RNF24: variants seen among roughly 807,000 people sequenced by gnomAD.
RNF24 encodes ring finger protein 24.
A neutral mutation model predicts 20.0 loss-of-function variants in RNF24; 14 were observed. The ratio of observed to expected loss-of-function variants is 0.70; its 90% CI spans 0.46 to 1.10. The LOEUF (loss-of-function observed/expected upper bound fraction) is 1.10. Among genes scored for constraint, RNF24 ranks in the 50% least tolerant of loss-of-function variants. RNF24 has a pLI of 0.00. For missense variants in RNF24, 124 were observed against 177.6 expected, an observed-to-expected ratio of 0.70 and a Z score of 1.71; for synonymous variants, 45 against 61.1, an observed-to-expected ratio of 0.74 and a Z score of 1.23.
chr20:3,959,605 A>G (rs1356657252), intron 2 of RNF24, among the ~76,000 whole-genome samples: 1 of 152,166 alleles, frequency 6.6e-6, no homozygotes, highest in Non-Finnish European at 1.5e-5. Flanking sequence ...TTTTGTTTAT[A>G]ATTTTATCCA....
At position 3,945,113 on chromosome 20, in the gene RNF24, C is replaced by T; in HGVS notation, c.228+64G>A. On this transcript the variant is annotated intron_variant, in intron 4 of 5. Transcript: ENST00000358395. ...ACTACTGAGAATAAAAGTGTTTAAA[C>T]ATACCACAGCATACCACTGCTACTA... 1.9e-6 allele frequency: 3 copies of T among 1,569,232 alleles called. No homozygotes were observed. The South Asian group carries it at 3.5e-5, about 18-fold the overall frequency.
intron 3 of RNF24, among the ~76,000 whole-genome samples, chr20:3,945,715 CAAA>C (rs11481275): frequency 8.7e-6 from 1 of 115,454 alleles, no homozygotes. Flanking sequence ...AACTCCGTCT[CAAA>C]AAAAAAAAAA....
chr20:3,935,661 G>A (rs2090881782), intron 4 of RNF24, among the ~76,000 whole-genome samples: 1 of 152,236 alleles, frequency 6.6e-6, no homozygotes, highest in African/African-American at 2.4e-5. Context: ...GATGGGACCA[G>A]GACTGCTCTC....
At chr20:3,949,487 A>C (rs1402153649) in intron 2 of RNF24, among the ~76,000 whole-genome samples, 5 of 152,096 alleles carry the variant, frequency 3.3e-5, no homozygotes, top group African/African-American at 4.8e-5. Context: ...GGAGTTCGAG[A>C]CCAGCCTGGG....
chr20:3,973,236 A>T (rs1295314770), intron 1 of RNF24, among the ~76,000 whole-genome samples: 1 of 151,988 alleles, frequency 6.6e-6, no homozygotes, highest in Non-Finnish European at 1.5e-5. Context: ...AAAATACAAC[A>T]TATCAAAATT....
chr20:3,955,495 C>A (rs1169917492), intron 2 of RNF24, among the ~76,000 whole-genome samples: 1 of 152,124 alleles, frequency 6.6e-6, no homozygotes, highest in African/African-American at 2.4e-5. Context: ...GTTTATATGT[C>A]TATCTTTATA....
At chr20:3,938,764 A>G (rs1448305593) in intron 4 of RNF24, among the ~76,000 whole-genome samples, 2 of 152,144 alleles carry the variant, frequency 1.3e-5, no homozygotes, top group East Asian at 3.9e-4. Flanking sequence ...TTTTTGAGAC[A>G]GTCTTGCTCT....
intron 1 of RNF24, among the ~76,000 whole-genome samples, chr20:3,990,554 C>A (rs1006771729): frequency 6.6e-6 from 1 of 152,068 alleles, no homozygotes; most frequent in African/African-American, 2.4e-5. Context: ...TAATGTTTTA[C>A]AGTTGTTAAA....
At chr20:3,978,533 A>G (rs1329047716) in intron 1 of RNF24, among the ~76,000 whole-genome samples, 1 of 152,168 alleles carries the variant, frequency 6.6e-6, no homozygotes, top group Non-Finnish European at 1.5e-5. Flanking sequence ...CTTTAATCAA[A>G]AAAGACTCTA....
At chr20:4,012,693 A>G (rs1304283683) in intron 1 of RNF24, among the ~76,000 whole-genome samples, 1 of 152,244 alleles carries the variant, frequency 6.6e-6, no homozygotes, top group Admixed American at 6.5e-5. Flanking sequence ...ATCATACTAC[A>G]GAATGCTAAA....
intron 2 of RNF24, among the ~76,000 whole-genome samples, chr20:3,963,565 T>C (rs2091226109): frequency 6.6e-6 from 1 of 152,336 alleles, no homozygotes; most frequent in South Asian, 2.1e-4. Flanking sequence ...TTTTGAAATC[T>C]CTGTGAGAGT....
chr20:3,962,459 G>A (rs1467489108), intron 2 of RNF24, among the ~76,000 whole-genome samples: 2 of 152,034 alleles, frequency 1.3e-5, no homozygotes, highest in African/African-American at 4.8e-5. Flanking sequence ...AAATGCTGCA[G>A]CAAGTATTTA....
chr20:3,955,077 T>C (rs548922375), intron 2 of RNF24, among the ~76,000 whole-genome samples: 2 of 152,330 alleles, frequency 1.3e-5, no homozygotes, highest in African/African-American at 4.8e-5. Context: ...TGGTATCTCA[T>C]TGTGTTTTTA....
chr20:3,967,938 A>G (rs1215575234), intron 1 of RNF24, among the ~76,000 whole-genome samples: 1 of 141,786 alleles, frequency 7.1e-6, no homozygotes, highest in Non-Finnish European at 1.5e-5. Context: ...AGTTGCAGTG[A>G]GCCGAGATTG....
chr20:4,001,276 C>T (rs1315984397), intron 1 of RNF24, among the ~76,000 whole-genome samples: 1 of 151,930 alleles, frequency 6.6e-6, no homozygotes, highest in African/African-American at 2.4e-5. Flanking sequence ...CAAAAACAAA[C>T]AAACAAACAA....
At chr20:3,991,832 A>C (rs1980464462) in intron 1 of RNF24, among the ~76,000 whole-genome samples, 1 of 152,118 alleles carries the variant, frequency 6.6e-6, no homozygotes, top group Non-Finnish European at 1.5e-5. Context: ...GTTGTCTAAT[A>C]TCTCTCGAAT....
At chr20:3,973,562 G>A (rs1227401947) in intron 1 of RNF24, among the ~76,000 whole-genome samples, 2 of 144,460 alleles carry the variant, frequency 1.4e-5, no homozygotes, top group Non-Finnish European at 3.0e-5. Flanking sequence ...CAATTAAATA[G>A]GAGAGATCAC....
At chr20:3,949,683 TA>T (rs981682641) in intron 2 of RNF24, among the ~76,000 whole-genome samples, 2 of 151,310 alleles carry the variant, frequency 1.3e-5, no homozygotes, top group African/African-American at 2.4e-5. Context: ...GATCCTGTCA[TA>T]AAAAAAAATA....
chr20:3,945,320 T>C, intron 3 of RNF24, 102 bp from the exon 4 acceptor site: 1 of 1,079,338 alleles, frequency 9.3e-7, no homozygotes, highest in Non-Finnish European at 1.3e-6. Flanking sequence ...TATGGCTCAT[T>C]TCCCTCATAT....
Sources: gnomAD v4.1 joint callset for allele counts (sites outside exome capture counted in the v4.1 genomes callset) on GRCh38, gnomAD v4.1.1 for gene constraint, MANE v1.5 for transcripts, NCBI Gene and HGNC (gene_info 2026-07-23, HGNC 2026-07-21) for gene names.